Variants in EPB41L4A observed in about 807,000 individuals in gnomAD.
EPB41L4A encodes band 4.1-like protein 4A.
Under a neutral mutation model 108.6 loss-of-function variants are expected in EPB41L4A, and 100 were observed. The observed-to-expected ratio is 0.92, with a 90% CI of 0.78 to 1.09. The LOEUF (loss-of-function observed/expected upper bound fraction) is 1.09. Among genes scored for constraint, EPB41L4A ranks in the 50% least tolerant of loss-of-function variants. The probability of loss-of-function intolerance (pLI) is 0.00; values close to 1 mark genes in which losing one functional copy is unlikely to be tolerated. For synonymous variants in EPB41L4A, 319 were observed against 289.0 expected, an observed-to-expected ratio of 1.10 and a Z score of -1.05; for missense variants, 1,030 against 842.7, an observed-to-expected ratio of 1.22 and a Z score of -2.75.
At chr5:112,193,539 G>A (rs562325273) in intron 17 of EPB41L4A, among the ~76,000 whole-genome samples, 2 of 152,214 alleles carry the variant, frequency 1.3e-5, no homozygotes, top group African/African-American at 4.8e-5. Flanking sequence ...AACCTCAGGT[G>A]ATCTGCCTGC....
chr5:112,188,202 C>T (rs1396947363), intron 17 of EPB41L4A, among the ~76,000 whole-genome samples: 13 of 151,990 alleles, frequency 8.6e-5, no homozygotes, highest in Non-Finnish European at 7.4e-5. Flanking sequence ...TTTGGATCAC[C>T]TGCTATAAAG....
At chr5:112,155,862 G>A (rs189664551) in intron 12 of EPB41L4A, among the ~76,000 whole-genome samples, 143 of 152,196 alleles carry the variant, frequency 9.4e-4, no homozygotes, top group African/African-American at 3.3e-3. Context: ...TTAAAATAAA[G>A]AGAAATGGGC....
chr5:112,204,725 T>TA (rs1762387950), intron 14 of EPB41L4A: 3 of 376,236 alleles, frequency 8.0e-6, no homozygotes, highest in Admixed American at 7.3e-5. Context: ...CCTTCAGTAG[T>TA]AAAAAATGAA....
intron 18 of EPB41L4A, among the ~76,000 whole-genome samples, chr5:112,177,524 G>T (rs1054240420): frequency 6.6e-6 from 1 of 152,126 alleles, no homozygotes; most frequent in African/African-American, 2.4e-5. Context: ...ATTAAGCCAT[G>T]GACATATATC....
chr5:112,170,261 C>G, intron 20 of EPB41L4A, 40 bp downstream of exon 20: 1 of 1,585,220 alleles, frequency 6.3e-7, no homozygotes, highest in Non-Finnish European at 8.7e-7. Flanking sequence ...CTCACAAGCA[C>G]TAATAAAGCT....
At chr5:112,191,076 T>C (rs1231790464) in intron 17 of EPB41L4A, among the ~76,000 whole-genome samples, 1 of 152,178 alleles carries the variant, frequency 6.6e-6, no homozygotes, top group African/African-American at 2.4e-5. Context: ...CCAACTTCTA[T>C]CTGGTTATAA....
chr5:112,328,806 A>G (rs759200552), intron 1 of EPB41L4A, among the ~76,000 whole-genome samples: 3 of 152,246 alleles, frequency 2.0e-5, no homozygotes, highest in Non-Finnish European at 4.4e-5. Flanking sequence ...CATTAGAATG[A>G]AACACAAATG....
rs749008147 is a variant in EPB41L4A at position 112,239,692 on chromosome 5, C to A, written c.933G>T (p.Lys311Asn). ...ESNSLSRKLSKFGSIRYKHRY... is the reference protein window; with the variant it reads ...ESNSLSRKLSNFGSIRYKHRY... The stretch of plus-strand genomic sequence containing the variant: ...GGTGCTTATAACGTATGGATCCAAA[C>A]TTGCTGAGTTTTCTTGACAGTGAAT... The change falls in exon 11 of 23, where the codon AAG (lysine) becomes AAT (asparagine). Residue 311 changes from lysine to asparagine, a missense_variant. Physicochemically the swap from Lys to Asn is moderately conservative, Grantham distance 94. Transcript: ENST00000261486. 6.2e-6 allele frequency: 10 copies of A among 1,609,336 alleles called. No homozygotes were observed. Among genetic ancestry groups the A allele is most frequent in the Non-Finnish European group, 8.5e-6 (10 of 1,178,054 alleles).
intron 11 of EPB41L4A, among the ~76,000 whole-genome samples, chr5:112,235,781 C>G (rs1396291603): frequency 6.6e-6 from 1 of 152,076 alleles, no homozygotes; most frequent in African/African-American, 2.4e-5. Flanking sequence ...TAAGTTGGGA[C>G]GTGTGGTATC....
intron 1 of EPB41L4A, among the ~76,000 whole-genome samples, chr5:112,339,107 G>A (rs916618016): frequency 6.6e-6 from 1 of 152,128 alleles, no homozygotes; most frequent in Non-Finnish European, 1.5e-5. Flanking sequence ...CCTGGCGACT[G>A]GGTTTAGGTG....
chr5:112,142,493 T>C (rs1020096224), exon 14 of EPB41L4A: 1 of 152,220 alleles, frequency 6.6e-6, no homozygotes, highest in African/African-American at 2.4e-5. Context: ...AAAATGCTTA[T>C]GGGTGTGGGT....
intron 2 of EPB41L4A, among the ~76,000 whole-genome samples, chr5:112,282,596 G>A (rs1036666150): frequency 2.0e-5 from 3 of 152,268 alleles, no homozygotes; most frequent in African/African-American, 2.4e-5. Flanking sequence ...TTAGGGGACC[G>A]TATTCCCTAG....
intron 15 of EPB41L4A, among the ~76,000 whole-genome samples, chr5:112,199,058 C>T (rs1428487474): frequency 6.6e-6 from 1 of 152,128 alleles, no homozygotes; most frequent in African/African-American, 2.4e-5. Flanking sequence ...GTGCAGTGCA[C>T]GTTAATTAAT....
Position 112,412,122 on chromosome 5 carries a change from G to A in EPB41L4A, c.99+6819C>T, listed in dbSNP as rs138403064. Among the ~76,000 whole-genome samples, 714 of 152,246 alleles carry A rather than the reference G, an allele frequency of 4.7e-3. 13 individuals are homozygous for A. Among genetic ancestry groups the A allele is most frequent in the Admixed American group, 0.037 (562 of 15,286 alleles). ...AGCACATGGTTCCCTCTGCAGTCTC[G>A]GTCCACCAATTCCTCCTTTGCCATC... On this transcript the variant is annotated intron_variant, in intron 1 of 22. Transcript: ENST00000261486.
intron 2 of EPB41L4A, among the ~76,000 whole-genome samples, chr5:112,288,584 T>C (rs1317082579): frequency 4.6e-5 from 7 of 152,186 alleles, no homozygotes; most frequent in African/African-American, 1.2e-4. Flanking sequence ...CACATGTGTC[T>C]GGCTAGATTT....
chr5:112,275,999 T>C (rs1165222441), intron 3 of EPB41L4A, among the ~76,000 whole-genome samples: 1 of 152,170 alleles, frequency 6.6e-6, no homozygotes, highest in African/African-American at 2.4e-5. Flanking sequence ...ATTTGAGTTT[T>C]TTTTCCTGGA....
chr5:112,287,465 T>C lies in EPB41L4A; in HGVS notation c.205-7142A>G, dbSNP rs1372909176. 3.3e-5 allele frequency among the ~76,000 whole-genome samples: 5 copies of C among 152,268 alleles called. No homozygotes were observed. The South Asian group carries it at 1.0e-3, about 31-fold the overall frequency. ...TCAGGTCCAAGCAGCCATTATCTTTTACTTGGATTTCTTCAACAACTCTTT... is the reference window on the plus strand; with the variant it reads ...TCAGGTCCAAGCAGCCATTATCTTTCACTTGGATTTCTTCAACAACTCTTT... On this transcript the variant is annotated intron_variant, in intron 2 of 22. Transcript: ENST00000261486.
At chr5:112,291,077 G>A (rs1201686904) in intron 2 of EPB41L4A, among the ~76,000 whole-genome samples, 1 of 152,100 alleles carries the variant, frequency 6.6e-6, no homozygotes, top group Non-Finnish European at 1.5e-5. Context: ...ATGTCAAATG[G>A]GTGTTTCAAA....
At chr5:112,183,212 C>A (rs1230149034) in intron 18 of EPB41L4A, among the ~76,000 whole-genome samples, 1 of 152,072 alleles carries the variant, frequency 6.6e-6, no homozygotes, top group Admixed American at 6.5e-5. Flanking sequence ...GAGCTCCCTA[C>A]CTACCTACCC....
Sources: gnomAD v4.1 joint callset for allele counts (sites outside exome capture counted in the v4.1 genomes callset) on GRCh38, gnomAD v4.1.1 for gene constraint, MANE v1.5 for transcripts, NCBI Gene and HGNC (gene_info 2026-07-23, HGNC 2026-07-21) for gene names.